The following ERC1 variants were observed in gnomAD, a reference collection of about 807,000 sequenced individuals.
The protein encoded by ERC1 is RAB6 interacting protein 2.
Under a neutral mutation model 132.0 loss-of-function variants are expected in ERC1, and 56 were observed. The observed-to-expected ratio is 0.42, with a 90% CI of 0.34 to 0.53. The LOEUF (loss-of-function observed/expected upper bound fraction) is 0.53. Ranked by LOEUF, ERC1 falls within the 20% of genes least tolerant of loss-of-function variation. ERC1 has a pLI of 0.03. For missense variants in ERC1, 1,202 were observed against 1,349.9 expected, an observed-to-expected ratio of 0.89 and a Z score of 1.72; for synonymous variants, 478 against 476.1, an observed-to-expected ratio of 1.00 and a Z score of -0.05.
chr12:1,291,212 T>C (rs2079426287), intron 15 of ERC1, among the ~76,000 whole-genome samples: 1 of 152,236 alleles, frequency 6.6e-6, no homozygotes, highest in South Asian at 2.1e-4. Flanking sequence ...AGTGCAAGGC[T>C]ACGAGATTCT....
At chr12:1,473,301 A>G (rs142516172) in intron 18 of ERC1, among the ~76,000 whole-genome samples, 2,204 of 152,328 alleles carry the variant, frequency 0.014, 58 homozygotes, top group African/African-American at 0.051. Context: ...TGCTGGGATT[A>G]CAGGTGTGAG....
chr12:1,440,521 T>A (rs1214981020), intron 17 of ERC1, among the ~76,000 whole-genome samples: 2 of 147,396 alleles, frequency 1.4e-5, no homozygotes, highest in African/African-American at 5.1e-5. Context: ...TTTTTTTTTT[T>A]AATAGAGACA....
rs535793247 is a variant in ERC1, at chr12:1,244,270, A to C, written c.2487+7366A>C. Among the ~76,000 whole-genome samples the C allele has an allele frequency of 6.0e-4, 92 of 152,334 alleles. 1 individual carries two copies. Among genetic ancestry groups the C allele is most frequent in the African/African-American group, 2.1e-3 (88 of 41,582 alleles). ...TATTTTTGGTGTGTCATAGAATAGTAGAATAGCAATTAATTATGTCTTCTT... is the reference window on the plus strand; with the variant it reads ...TATTTTTGGTGTGTCATAGAATAGTCGAATAGCAATTAATTATGTCTTCTT... On this transcript the variant is annotated intron_variant, in intron 13 of 18. Transcript: ENST00000360905.
chr12:1,452,404 C>T (rs144462459), intron 18 of ERC1, among the ~76,000 whole-genome samples: 2 of 152,114 alleles, frequency 1.3e-5, no homozygotes, highest in South Asian at 2.1e-4. Flanking sequence ...TGATAATGTA[C>T]CTAGTTGTGT....
intron 15 of ERC1, among the ~76,000 whole-genome samples, chr12:1,327,373 C>G (rs2082519842): frequency 6.6e-6 from 1 of 152,044 alleles, no homozygotes; most frequent in African/African-American, 2.4e-5. Context: ...TTAGAGTTAC[C>G]TACAGTAGGA....
intron 18 of ERC1, among the ~76,000 whole-genome samples, chr12:1,466,401 G>A (rs1181574258): frequency 6.6e-6 from 1 of 152,138 alleles, no homozygotes; most frequent in African/African-American, 2.4e-5. Flanking sequence ...TAAAGGCCCT[G>A]TCTCCAAATG....
intron 11 of ERC1, among the ~76,000 whole-genome samples, chr12:1,189,207 CCA>C (rs1447915679): frequency 2.0e-5 from 3 of 152,208 alleles, no homozygotes; most frequent in Admixed American, 6.5e-5. Context: ...GCCACTGAGC[CCA>C]TCCTTAAGTG....
intron 16 of ERC1, among the ~76,000 whole-genome samples, chr12:1,383,629 G>C (rs1421688586): frequency 5.9e-5 from 9 of 152,058 alleles, no homozygotes; most frequent in Non-Finnish European, 1.0e-4. Flanking sequence ...ACAAGACTCT[G>C]TCACACACAC....
At chr12:1,451,492 G>A (rs1211954482) in intron 18 of ERC1, among the ~76,000 whole-genome samples, 1 of 152,050 alleles carries the variant, frequency 6.6e-6, no homozygotes, top group Admixed American at 6.5e-5. Context: ...GGATACAGTG[G>A]TGTGTGCCTG....
intron 17 of ERC1, among the ~76,000 whole-genome samples, chr12:1,434,745 C>G (rs1187828644): frequency 1.3e-5 from 2 of 152,210 alleles, no homozygotes; most frequent in African/African-American, 4.8e-5. Flanking sequence ...GATCCTTAGG[C>G]TAGTCATGGT....
intron 1 of ERC1, among the ~76,000 whole-genome samples, chr12:1,004,862 T>A (rs1592631490): frequency 6.6e-6 from 1 of 151,592 alleles, no homozygotes; most frequent in Admixed American, 6.6e-5. Flanking sequence ...AAATTTTTTT[T>A]TTCTCATTGT....
At chr12:1,476,255 C>CAA (rs532457719) in intron 18 of ERC1, among the ~76,000 whole-genome samples, 11 of 131,328 alleles carry the variant, frequency 8.4e-5, no homozygotes, top group African/African-American at 1.7e-4. Flanking sequence ...GACTCCATCT[C>CAA]AAAAAAAAAA....
intron 15 of ERC1, among the ~76,000 whole-genome samples, chr12:1,364,947 C>G (rs981672573): frequency 6.6e-6 from 1 of 152,220 alleles, no homozygotes; most frequent in South Asian, 2.1e-4. Flanking sequence ...AAATCTCTCT[C>G]TTTTGCGACT....
chr12:1,286,008 C>A (rs2079019146), intron 14 of ERC1, among the ~76,000 whole-genome samples: 1 of 152,116 alleles, frequency 6.6e-6, no homozygotes, highest in Admixed American at 6.6e-5. Flanking sequence ...GTAATCCTGG[C>A]TAGGCGTGGT....
Position 1,241,847 on chromosome 12 carries a change from C to CTTTTTTTTTTTTTT in ERC1, c.2487+4957_2487+4970dup, listed in dbSNP as rs57016547. ...CCAATTTTTTGCATTTCTTCTTCTT[C>CTTTTTTTTTTTTTT]TTTTTTTTTTTTTTTTTTTTTTTTT... On this transcript the variant is annotated intron_variant, in intron 13 of 18. Coordinates refer to ENST00000360905, the MANE Select transcript of ERC1 (RefSeq NM_178040.4). Among the ~76,000 whole-genome samples the CTTTTTTTTTTTTTT allele has an allele frequency of 3.7e-3, 296 of 80,522 alleles. 7 individuals carry two copies. The highest frequency in any genetic ancestry group is 8.6e-3 in the Middle Eastern group (1 of 116). The allele number at this position is 80,522 out of a possible 152,430, so 52.8% of individuals were successfully genotyped here. A position where few individuals can be genotyped will look rare whatever the true frequency, so the allele number is the denominator to read the frequency against.
At chr12:1,447,563 T>C (rs73028386) in intron 18 of ERC1, among the ~76,000 whole-genome samples, 7,332 of 151,194 alleles carry the variant, frequency 0.048, 278 homozygotes, top group South Asian at 0.15. Flanking sequence ...AAAAACCCAG[T>C]GCTTATTAAT....
chr12:1,003,114 AGACTC>A lies in ERC1; in HGVS notation c.-157+11793_-157+11797del, dbSNP rs1291371375. Among the ~76,000 whole-genome samples, 8 of 131,214 alleles carry A rather than the reference AGACTC, an allele frequency of 6.1e-5. 1 individual carries two copies. The highest frequency in any genetic ancestry group is 2.5e-4 in the South Asian group (1 of 3,934). The allele number at this position is 131,214 out of a possible 152,430, so 86.1% of individuals were successfully genotyped here. On this transcript the variant is annotated intron_variant, in intron 1 of 18. Coordinates refer to ENST00000360905, the MANE Select transcript of ERC1 (RefSeq NM_178040.4). The stretch of plus-strand genomic sequence containing the variant: ...AAAAATGCAAAAAAAAAAAAAAAAA[AGACTC>A]AAAAAAAAAAAGAGAAAAGAAATGT...
chr12:1,391,334 C>T (rs191909284), intron 16 of ERC1: 2 of 152,378 alleles, frequency 1.3e-5, no homozygotes. Flanking sequence ...CTTGTTACTC[C>T]TAGGTGGAGA....
At chr12:1,025,802 T>G (rs1212359863) in intron 1 of ERC1, among the ~76,000 whole-genome samples, 3 of 149,354 alleles carry the variant, frequency 2.0e-5, no homozygotes, top group Middle Eastern at 3.4e-3. Flanking sequence ...AAGTTTTTTT[T>G]TTTTTTTTTT....
Sources: allele counts gnomAD v4.1 joint callset (sites outside exome capture counted in the v4.1 genomes callset), GRCh38; gene constraint gnomAD v4.1.1; transcripts MANE v1.5; gene names NCBI Gene and HGNC (gene_info 2026-07-23, HGNC 2026-07-21).